The following MRTFA variants were observed in gnomAD, a reference collection of about 807,000 sequenced individuals.
The protein encoded by MRTFA is myocardin related transcription factor A, also known as myocardin-related transcription factor A.
In MRTFA, 20 loss-of-function variants were observed where a neutral mutation model predicts 83.5. The ratio of observed to expected loss-of-function variants is 0.24; its 90% CI spans 0.17 to 0.35. The LOEUF is 0.35. Among genes scored for constraint, MRTFA ranks in the 10% least tolerant of loss-of-function variants. The pLI is 1.00. For missense variants in MRTFA, 1,200 were observed against 1,224.7 expected (o/e 0.98, Z 0.30); for synonymous variants, 659 against 541.2 (o/e 1.22, Z -3.02).
intron 2 of MRTFA, among the ~76,000 whole-genome samples, chr22:40,557,481 T>G (rs1207017697): frequency 6.6e-6 from 1 of 152,012 alleles, no homozygotes; most frequent in Non-Finnish European, 1.5e-5. Context: ...TATAAAAGAG[T>G]GCCAGGTGGC....
rs368439468 is a variant in MRTFA, at chr22:40,410,443, C to T, written c.*947G>A. On this transcript the variant is annotated 3_prime_UTR_variant, in exon 15 of 15. Coordinates refer to ENST00000355630, the MANE Select transcript of MRTFA (RefSeq NM_020831.6). ...GGAGATGGCCACCCCTCAGCCCCAC[C>T]GCAGGGTGAAGCTGGGCCCGAAGCT... 2.8e-4 allele frequency: 66 copies of T among 233,614 alleles called. No homozygotes were observed. Among genetic ancestry groups the T allele is most frequent in the African/African-American group, 1.4e-3 (62 of 45,422 alleles). 14.5% of individuals were successfully genotyped at this position (233,614 alleles called of 1,614,324 possible). A position where few individuals can be genotyped will look rare whatever the true frequency, so the allele number is the denominator to read the frequency against.
At chr22:40,526,791 A>C (rs961638893) in intron 3 of MRTFA, 1 of 152,116 alleles carries the variant, frequency 6.6e-6, no homozygotes, top group African/African-American at 2.4e-5. Context: ...TGTTGTGAAA[A>C]TCAAACAATA....
intron 2 of MRTFA, among the ~76,000 whole-genome samples, chr22:40,564,526 C>T (rs1241757292): frequency 6.6e-6 from 1 of 152,138 alleles, no homozygotes; most frequent in African/African-American, 2.4e-5. Flanking sequence ...CTTGGACCAT[C>T]CCTCACCATC....
At chr22:40,455,339 A>G (rs2053562763) in intron 4 of MRTFA, among the ~76,000 whole-genome samples, 1 of 152,006 alleles carries the variant, frequency 6.6e-6, no homozygotes, top group South Asian at 2.1e-4. Flanking sequence ...TTTTGAATTC[A>G]TAACTTGGAG....
chr22:40,553,853 C>CAGGGGT (rs1490810838), intron 2 of MRTFA, among the ~76,000 whole-genome samples: 1 of 152,176 alleles, frequency 6.6e-6, no homozygotes, highest in Non-Finnish European at 1.5e-5. Context: ...CAACATCAGC[C>CAGGGGT]CATGAAAGCA....
intron 9 of MRTFA, among the ~76,000 whole-genome samples, chr22:40,422,925 G>A (rs897474607): frequency 6.6e-6 from 1 of 152,220 alleles, no homozygotes; most frequent in Non-Finnish European, 1.5e-5. Flanking sequence ...AGGGAGGCGT[G>A]GGCCAGGCAG....
At chr22:40,436,479 C>T (rs1404033722) in intron 4 of MRTFA, among the ~76,000 whole-genome samples, 1 of 152,162 alleles carries the variant, frequency 6.6e-6, no homozygotes, top group African/African-American at 2.4e-5. Flanking sequence ...TGAAGGAACA[C>T]ACACAACCGA....
At chr22:40,434,072 T>A (rs2053120717) in intron 5 of MRTFA, among the ~76,000 whole-genome samples, 1 of 152,200 alleles carries the variant, frequency 6.6e-6, no homozygotes, top group South Asian at 2.1e-4. Context: ...AGAGTTGATG[T>A]GAGGATAAAA....
intron 3 of MRTFA, among the ~76,000 whole-genome samples, chr22:40,467,099 G>A (rs2053823457): frequency 6.6e-6 from 1 of 152,048 alleles, no homozygotes; most frequent in South Asian, 2.1e-4. Flanking sequence ...ATTCCATCTT[G>A]TCCCTCCCAG....
chr22:40,599,998 G>A (rs1271406390), intron 1 of MRTFA, among the ~76,000 whole-genome samples: 6 of 136,784 alleles, frequency 4.4e-5, no homozygotes, highest in Non-Finnish European at 9.5e-5. Context: ...CAATTTAGAG[G>A]TTTGACTTAT....
At chr22:40,493,869 G>A (rs2054308872) in intron 3 of MRTFA, among the ~76,000 whole-genome samples, 1 of 152,222 alleles carries the variant, frequency 6.6e-6, no homozygotes, top group Non-Finnish European at 1.5e-5. Context: ...ATTGTCTTTG[G>A]ATAATAGTGT....
chr22:40,506,756 G>C (rs1022043194), intron 3 of MRTFA, among the ~76,000 whole-genome samples: 1 of 152,042 alleles, frequency 6.6e-6, no homozygotes, highest in Non-Finnish European at 1.5e-5. Flanking sequence ...TAAAACTAAT[G>C]ACCCCCATTT....
At chr22:40,548,381 T>C (rs149683271) in intron 3 of MRTFA, among the ~76,000 whole-genome samples, 9,885 of 83,744 alleles carry the variant, frequency 0.12, 624 homozygotes, top group East Asian at 0.33. Flanking sequence ...AAAAAAAAAA[T>C]TGGGAACTGG....
intron 4 of MRTFA, among the ~76,000 whole-genome samples, chr22:40,460,363 T>C (rs1372479171): frequency 1.3e-5 from 2 of 152,234 alleles, no homozygotes; most frequent in Non-Finnish European, 2.9e-5. Context: ...ACTCAATCTG[T>C]GCACTGCTTT....
chr22:40,438,939 A>G (rs1343438031), intron 4 of MRTFA, among the ~76,000 whole-genome samples: 1 of 151,936 alleles, frequency 6.6e-6, no homozygotes, highest in Non-Finnish European at 1.5e-5. Flanking sequence ...AGGGATTAAT[A>G]TCTGTTGGAT....
chr22:40,485,068 C>T (rs1312241543), intron 3 of MRTFA, among the ~76,000 whole-genome samples: 1 of 141,002 alleles, frequency 7.1e-6, no homozygotes, highest in Non-Finnish European at 1.5e-5. Flanking sequence ...GAGACTCCGT[C>T]TCAAAAAAAA....
At chr22:40,593,127 C>T (rs1695625145) in intron 2 of MRTFA, among the ~76,000 whole-genome samples, 1 of 152,156 alleles carries the variant, frequency 6.6e-6, no homozygotes. Flanking sequence ...TAATTTCAAA[C>T]CCGCCAGTCT....
chr22:40,525,146 C>G (rs894222223), intron 3 of MRTFA, among the ~76,000 whole-genome samples: 2 of 152,030 alleles, frequency 1.3e-5, no homozygotes, highest in Admixed American at 6.6e-5. Context: ...GAAATGTATG[C>G]TCATCATAGA....
intron 3 of MRTFA, among the ~76,000 whole-genome samples, chr22:40,506,233 ACT>A (rs2054579136): frequency 6.6e-6 from 1 of 151,994 alleles, no homozygotes; most frequent in Admixed American, 6.5e-5. Context: ...ACAGAGCGAG[ACT>A]CTTATCTCAA....
Sources: allele counts gnomAD v4.1 joint callset (sites outside exome capture counted in the v4.1 genomes callset), GRCh38; gene constraint gnomAD v4.1.1; transcripts MANE v1.5; gene names NCBI Gene and HGNC (gene_info 2026-07-23, HGNC 2026-07-21).